The following GGNBP2 variants were observed in gnomAD, a reference collection of about 807,000 sequenced individuals.
The protein encoded by GGNBP2 is gametogenetin binding protein 2.
GGNBP2 carries 10 observed loss-of-function variants against 85.9 expected under a neutral mutation model. The observed-to-expected ratio is 0.12, with a 90% CI of 0.07 to 0.20. The LOEUF is 0.20. Ranked by LOEUF, GGNBP2 falls within the 10% of genes least tolerant of loss-of-function variation. The pLI, the probability that GGNBP2 is intolerant of heterozygous loss-of-function variation, is 1.00. For missense variants in GGNBP2, 595 were observed against 857.8 expected, an observed-to-expected ratio of 0.69 and a Z score of 3.83; for synonymous variants, 287 against 285.7, an observed-to-expected ratio of 1.00 and a Z score of -0.05.
chr17:36,557,842 G>T (rs993924342), intron 4 of GGNBP2, among the ~76,000 whole-genome samples: 13 of 152,064 alleles, frequency 8.5e-5, no homozygotes, highest in African/African-American at 2.9e-4. Context: ...GGCCGGGCGC[G>T]GTGGCTCACG....
At chr17:36,575,903 T>G (rs1555607668) in intron 6 of GGNBP2, among the ~76,000 whole-genome samples, 1 of 150,160 alleles carries the variant, frequency 6.7e-6, no homozygotes, top group South Asian at 2.1e-4. Flanking sequence ...CGCCTTTGCC[T>G]CCCAAAGGGC....
At chr17:36,566,727 A>G (rs879745190) in intron 5 of GGNBP2, among the ~76,000 whole-genome samples, 6 of 152,120 alleles carry the variant, frequency 3.9e-5, no homozygotes, top group Non-Finnish European at 8.8e-5. Flanking sequence ...TAGGCTGTAT[A>G]AAGTGTTCGT....
intron 12 of GGNBP2, 170 bp from the exon 13 acceptor site, chr17:36,586,827 C>A: frequency 1.7e-6 from 1 of 602,010 alleles, no homozygotes; most frequent in East Asian, 2.9e-5. Flanking sequence ...CCATGTTGGC[C>A]AGGCTGGTCT....
intron 4 of GGNBP2, among the ~76,000 whole-genome samples, chr17:36,558,436 AAAG>A (rs1335859324): frequency 4.7e-5 from 7 of 149,530 alleles, no homozygotes; most frequent in Non-Finnish European, 7.4e-5. Flanking sequence ...AAAAAAAAAA[AAAG>A]GTAATAAAAG....
In GGNBP2 at chr17:36,579,287, A is replaced by G; in HGVS notation, c.888A>G (p.Glu296=). 1 of 1,614,220 alleles carries G rather than the reference A, an allele frequency of 6.2e-7. No individual in the cohort carries two copies. The highest frequency in any genetic ancestry group is 8.5e-7 in the Non-Finnish European group (1 of 1,180,020). Residue 296 remains glutamate (E), a synonymous_variant, in exon 8 of 14, where the codon GAA becomes GAG. Coordinates refer to ENST00000613102, the MANE Select transcript of GGNBP2 (RefSeq NM_024835.5). Reference sequence around the variant, plus strand: ...CAAAGACAATAGATATAGCTCAAGAAGAAGTTCTGACCTGCTTGGGAATTC... The same window carrying G: ...CAAAGACAATAGATATAGCTCAAGAGGAAGTTCTGACCTGCTTGGGAATTC... The part of the protein sequence containing the change: ...RHAKTIDIAQ[E]EVLTCLGIHL...
chr17:36,545,457 G>C (rs1445209526), intron 1 of GGNBP2, 162 bp from the exon 2 acceptor site: 3 of 402,030 alleles, frequency 7.5e-6, no homozygotes, highest in Non-Finnish European at 1.3e-5. Flanking sequence ...AGGGGGGCGG[G>C]TCCCGGCGGC....
chr17:36,574,937 C>A, intron 6 of GGNBP2: 1 of 1,114,696 alleles, frequency 9.0e-7, no homozygotes. Flanking sequence ...ACCGATGTGG[C>A]CATTGTAGTC....
intron 5 of GGNBP2, 122 bp downstream of exon 5, chr17:36,560,993 T>G: frequency 1.9e-6 from 1 of 516,084 alleles, no homozygotes; most frequent in Non-Finnish European, 3.4e-6. Flanking sequence ...CTCTATGACA[T>G]AGGTCAAAAT....
intron 6 of GGNBP2, chr17:36,577,033 T>C (rs1599540705): frequency 6.6e-6 from 1 of 152,194 alleles, no homozygotes; most frequent in Non-Finnish European, 1.5e-5. Context: ...GTCATCTTTA[T>C]AGACATGTTA....
intron 5 of GGNBP2, among the ~76,000 whole-genome samples, chr17:36,562,597 C>T (rs913685542): frequency 4.6e-5 from 7 of 150,682 alleles, no homozygotes; most frequent in Non-Finnish European, 1.0e-4. Context: ...GACACAAAGA[C>T]TTGGATGACC....
chr17:36,556,878 A>G (rs1367256341), intron 3 of GGNBP2, among the ~76,000 whole-genome samples: 2 of 145,382 alleles, frequency 1.4e-5, no homozygotes, highest in Non-Finnish European at 3.0e-5. Context: ...TATACCCTAG[A>G]TTCTAGAGCA....
At chr17:36,558,460 A>G (rs558700105) in intron 4 of GGNBP2, among the ~76,000 whole-genome samples, 37 of 139,304 alleles carry the variant, frequency 2.7e-4, no homozygotes, top group African/African-American at 9.6e-4. Context: ...GTCCAGTCAT[A>G]TTTTTATTTT....
chr17:36,569,931 A>G (rs899641724), intron 6 of GGNBP2, among the ~76,000 whole-genome samples: 1 of 152,252 alleles, frequency 6.6e-6, no homozygotes, highest in African/African-American at 2.4e-5. Context: ...TCCATTTTAC[A>G]GATATCTTAA....
chr17:36,586,070 C>G lies in GGNBP2; in HGVS notation c.1513C>G (p.His505Asp). 8 of 1,613,976 alleles carry G rather than the reference C, an allele frequency of 5.0e-6. No homozygotes were observed. Among genetic ancestry groups the G allele is most frequent in the Non-Finnish European group, 6.8e-6 (8 of 1,179,930 alleles). The change falls in exon 12 of 14, where the codon CAC becomes GAC. Residue 505 changes from histidine to aspartate, a missense_variant. His to Asp is a moderately conservative substitution (Grantham distance 81). Coordinates refer to ENST00000613102, the MANE Select transcript of GGNBP2 (RefSeq NM_024835.5). ...TGCAGGTGATGACTCTTGTGTTCAT[C>G]ACTGTGAAGACAAAGAGGATGATGG... ...DEHGDDSCVHHCEDKEDDGDS... is the reference protein window; with the variant it reads ...DEHGDDSCVHDCEDKEDDGDS...
At position 36,576,580 on chromosome 17, in the gene GGNBP2, A is replaced by C. The variant is rs1209679453; in HGVS notation, c.642-1403A>C. On this transcript the variant is annotated intron_variant, in intron 6 of 13. Transcript: ENST00000613102. ...AAAAAAAAAAAAAAAAAAAAAAAAA[A>C]AAAAATATATATATATGTGTGTGTG... 18 of 30,004 alleles carry C rather than the reference A, an allele frequency of 6.0e-4. No individual in the cohort carries two copies. The East Asian group carries it at 0.021, about 36-fold the overall frequency. 1.9% of individuals were successfully genotyped at this position (30,004 alleles called of 1,614,324 possible). A position where few individuals can be genotyped will look rare whatever the true frequency, so the allele number is the denominator to read the frequency against.
chr17:36,582,171 G>A, intron 9 of GGNBP2: 1 of 152,148 alleles, frequency 6.6e-6, no homozygotes, highest in East Asian at 1.9e-4. Flanking sequence ...GAACCACCGT[G>A]CCTGGCCTCT....
intron 9 of GGNBP2, among the ~76,000 whole-genome samples, chr17:36,584,247 A>G (rs921933402): frequency 1.3e-5 from 2 of 152,260 alleles, no homozygotes; most frequent in Non-Finnish European, 2.9e-5. Flanking sequence ...GTTCCAGGAA[A>G]AAAGTTCAGC....
chr17:36,551,474 G>A (rs1211890623), intron 2 of GGNBP2, among the ~76,000 whole-genome samples: 1 of 151,950 alleles, frequency 6.6e-6, no homozygotes, highest in Non-Finnish European at 1.5e-5. Context: ...AAAGTGCTGG[G>A]ATTACGGGCG....
At chr17:36,568,024 C>G (rs879714602) in intron 6 of GGNBP2, among the ~76,000 whole-genome samples, 2 of 151,820 alleles carry the variant, frequency 1.3e-5, no homozygotes, top group South Asian at 4.2e-4. Context: ...CTCCCAGGTT[C>G]AAGAGATTCT....
Sources: gnomAD v4.1 joint callset for allele counts (sites outside exome capture counted in the v4.1 genomes callset) on GRCh38, gnomAD v4.1.1 for gene constraint, MANE v1.5 for transcripts, NCBI Gene and HGNC (gene_info 2026-07-23, HGNC 2026-07-21) for gene names.